The following SDE2 variants were observed in gnomAD, a reference collection of about 807,000 sequenced individuals.
SDE2 encodes splicing regulator SDE2.
Under a neutral mutation model 46.9 loss-of-function variants are expected in SDE2, and 31 were observed. The ratio of observed to expected loss-of-function variants is 0.66; its 90% CI spans 0.50 to 0.89. The LOEUF is 0.89. Ranked by LOEUF, SDE2 falls within the 40% of genes least tolerant of loss-of-function variation. SDE2 has a pLI of 0.00. For synonymous variants in SDE2, 205 were observed against 204.3 expected, an observed-to-expected ratio of 1.00 and a Z score of -0.03; for missense variants, 542 against 564.4, an observed-to-expected ratio of 0.96 and a Z score of 0.40.
chr1:225,998,700 C>T (rs1481198177), intron 1 of SDE2, among the ~76,000 whole-genome samples: 1 of 152,174 alleles, frequency 6.6e-6, no homozygotes, highest in African/African-American at 2.4e-5. Flanking sequence ...CGTGTGAATG[C>T]TTGGTCACAA....
intron 2 of SDE2, among the ~76,000 whole-genome samples, chr1:225,993,935 AT>A (rs869088652): frequency 0.015 from 150 of 9,678 alleles, 1 homozygote; most frequent in African/African-American, 0.023. Flanking sequence ...GCAGCTAGCT[AT>A]TTTTTTTTTT....
intron 1 of SDE2, among the ~76,000 whole-genome samples, chr1:225,998,476 G>C (rs1490902430): frequency 6.6e-6 from 1 of 152,184 alleles, no homozygotes; most frequent in African/African-American, 2.4e-5. Flanking sequence ...ATTAGATTCA[G>C]GGAAACCACT....
chr1:225,998,899 T>C (rs1338597079), intron 1 of SDE2, among the ~76,000 whole-genome samples: 1 of 152,084 alleles, frequency 6.6e-6, no homozygotes, highest in Non-Finnish European at 1.5e-5. Flanking sequence ...AGAAGACCAT[T>C]ATATTTACGG....
At position 225,987,916 on chromosome 1, in the gene SDE2, C is replaced by T. The variant is rs775722843; in HGVS notation, c.1114G>A (p.Glu372Lys). The T allele has an allele frequency of 1.9e-6, 3 of 1,612,258 alleles. No homozygotes were observed. Among genetic ancestry groups the T allele is most frequent in the African/African-American group, 1.3e-5 (1 of 74,732 alleles). Residue 372 changes from glutamate (E) to lysine (K), a missense_variant, in exon 6 of 7, where the codon GAA becomes AAA. This residue lies in a region of SDE2 where 401 missense variants were observed against 437.8 expected (regional missense o/e 0.92). Transcript: ENST00000272091. ...CTTACTGCGTTTCCTGGCTGGCTTT[C>T]CTGCAGTTTGGCAACGGCAACGTTT... ...RENVAVAKLQ[E>K]SQPGNAVIDK...
intron 5 of SDE2, among the ~76,000 whole-genome samples, chr1:225,990,687 TTAA>T (rs1264441075): frequency 6.6e-6 from 1 of 152,182 alleles, no homozygotes; most frequent in African/African-American, 2.4e-5. Flanking sequence ...TGATCTTTGA[TTAA>T]TAATTATCTG....
In SDE2 at chr1:225,999,342, C is replaced by CT; in HGVS notation, c.-31dup. 6.3e-7 allele frequency: 1 copy of CT among 1,596,038 alleles called. No homozygotes were observed. The highest frequency in any genetic ancestry group is 1.1e-5 in the South Asian group (1 of 89,606). On this transcript the variant is annotated 5_prime_UTR_variant, in exon 1 of 7. Coordinates refer to ENST00000272091, the MANE Select transcript of SDE2 (RefSeq NM_152608.4). Reference sequence around the variant, plus strand: ...CCGACTACCCGAACCTCAAGCCTCTCTGAGACACCAGGCGCCGCAACTCGC... The same window carrying CT: ...CCGACTACCCGAACCTCAAGCCTCTCTTGAGACACCAGGCGCCGCAACTCGC...
chr1:225,995,363 G>C lies in SDE2; in HGVS notation c.141C>G (p.Phe47Leu). 6.2e-7 allele frequency: 1 copy of C among 1,605,678 alleles called. No homozygotes were observed. Among genetic ancestry groups the C allele is most frequent in the African/African-American group, 1.3e-5 (1 of 74,828 alleles). ...CQDQNVPVEN[F>L]FVKCNGALIN... ...TGAGTGCTCCATTGCATTTCACAAA[G>C]AAGTTTTCCACTGGAACATTCTAGA... Residue 47 changes from phenylalanine (F) to leucine (L), a missense_variant, in exon 2 of 7, where the codon TTC becomes TTG. Transcript: ENST00000272091.
chr1:225,994,889 C>T (rs966837013), intron 2 of SDE2, among the ~76,000 whole-genome samples: 1 of 152,052 alleles, frequency 6.6e-6, no homozygotes, highest in Admixed American at 6.6e-5. Flanking sequence ...ACAAAAAATA[C>T]AAAAATTAGC....
In SDE2 at chr1:225,985,325, G is replaced by C; in HGVS notation, c.1333C>G (p.Pro445Ala). ...EQIDPALFAK[P>A]LKGKKK ...ACTCATTTTTTCTTCCCTTTCAAAG[G>C]CTTGGCAAATAAAGCCGGGTCAATT... The change falls in exon 7 of 7, where the codon CCT becomes GCT. Residue 445 changes from proline (P) to alanine (A), a missense_variant. By Grantham distance (27) the Pro-to-Ala change is conservative. Transcript: ENST00000272091. The C allele has an allele frequency of 3.1e-6, 5 of 1,614,050 alleles. No homozygotes were observed. Among genetic ancestry groups the C allele is most frequent in the Non-Finnish European group, 4.2e-6 (5 of 1,179,944 alleles).
chr1:225,995,825 T>A (rs1656509681), intron 1 of SDE2, among the ~76,000 whole-genome samples: 1 of 152,042 alleles, frequency 6.6e-6, no homozygotes, highest in African/African-American at 2.4e-5. Context: ...GAGTCAAGAG[T>A]GTGGTTTTTA....
chr1:225,989,327 AAT>A (rs1019237393), intron 5 of SDE2, among the ~76,000 whole-genome samples: 3 of 148,780 alleles, frequency 2.0e-5, no homozygotes, highest in Non-Finnish European at 4.5e-5. Context: ...AATAATAATA[AAT>A]AGTTATAAAG....
rs1325355845 is a variant in SDE2 at position 225,997,982 on chromosome 1, C to G, written c.120+1211G>C. 2.0e-5 allele frequency among the ~76,000 whole-genome samples: 3 copies of G among 152,010 alleles called. No individual in the cohort carries two copies. The East Asian group carries it at 5.8e-4, about 29-fold the overall frequency. ...TCTCTACTAAAAATACAAAAATTAG[C>G]CAGGCATGGTGGCGGGCGACTGCAA... On this transcript the variant is annotated intron_variant, in intron 1 of 6. Coordinates refer to ENST00000272091, the MANE Select transcript of SDE2 (RefSeq NM_152608.4).
intron 1 of SDE2, among the ~76,000 whole-genome samples, chr1:225,998,655 C>A (rs758935997): frequency 5.9e-5 from 9 of 152,196 alleles, no homozygotes; most frequent in Non-Finnish European, 8.8e-5. Flanking sequence ...TTCTACGTAA[C>A]AGGCCCTAAG....
At chr1:225,993,075 A>T (rs980125763) in intron 2 of SDE2, 73 bp from the exon 3 acceptor site, 1 of 716,932 alleles carries the variant, frequency 1.4e-6, no homozygotes. Flanking sequence ...TTGTGAAAAC[A>T]ATCTGTATCA....
chr1:225,989,926 A>G (rs1319286072), intron 5 of SDE2, among the ~76,000 whole-genome samples: 2 of 151,886 alleles, frequency 1.3e-5, no homozygotes, highest in African/African-American at 2.4e-5. Context: ...AATAAAAAAA[A>G]TCAGCTGGGC....
At chr1:225,989,312 AT>A (rs1211748938) in intron 5 of SDE2, among the ~76,000 whole-genome samples, 24 of 148,490 alleles carry the variant, frequency 1.6e-4, no homozygotes, top group Non-Finnish European at 2.8e-4. Flanking sequence ...AAAAAAAATA[AT>A]AATAATAATA....
rs371515562 is a variant in SDE2, at chr1:225,992,910, C to T, written c.331G>A (p.Asp111Asn). ...TCTTACGCTTTTTCATGATTGACAT[C>T]GCGTAGTCTCCTTCCACTGAGATCC... is the stretch of plus-strand genomic sequence containing the variant. ...CRDLSGRRLR[D>N]VNHEKAMAEW... The change falls in exon 3 of 7, where the codon GAT (aspartate) becomes AAT (asparagine). Residue 111 changes from aspartate (D) to asparagine (N), a missense_variant. This residue lies in a region of SDE2 where 401 missense variants were observed against 437.8 expected (regional missense o/e 0.92). Transcript: ENST00000272091. The T allele has an allele frequency of 3.1e-6, 5 of 1,607,322 alleles. No homozygotes were observed. Among genetic ancestry groups the T allele is most frequent in the African/African-American group, 1.3e-5 (1 of 74,732 alleles).
chr1:225,992,865 AAC>A (rs1403638203), intron 3 of SDE2, 24 bp downstream of exon 3: 2 of 1,366,036 alleles, frequency 1.5e-6, no homozygotes, highest in African/African-American at 2.9e-5. Context: ...TCTCCTCAAA[AAC>A]ACAAAAAAAG....
intron 2 of SDE2, among the ~76,000 whole-genome samples, chr1:225,993,512 T>C (rs1001751493): frequency 1.3e-5 from 2 of 151,842 alleles, no homozygotes; most frequent in Admixed American, 6.6e-5. Flanking sequence ...CTCAGGAGGC[T>C]GAGGCAGGAG....
Sources: allele counts gnomAD v4.1 joint callset (sites outside exome capture counted in the v4.1 genomes callset), GRCh38; gene constraint gnomAD v4.1.1; regional missense constraint gnomAD v4.1.1; transcripts MANE v1.5; gene names NCBI Gene and HGNC (gene_info 2026-07-23, HGNC 2026-07-21).